The following ERBB4 variants were observed in gnomAD, a reference collection of about 807,000 sequenced individuals.
The protein encoded by ERBB4 is receptor tyrosine-protein kinase erbB-4.
ERBB4 carries 42 observed loss-of-function variants against 158.0 expected under a neutral mutation model. That is an observed-to-expected ratio of 0.27 (90% confidence interval 0.21 to 0.34). The LOEUF is 0.34. Ranked by LOEUF, ERBB4 falls within the 10% of genes least tolerant of loss-of-function variation. ERBB4 has a pLI of 1.00. For synonymous variants in ERBB4, 583 were observed against 558.7 expected (o/e 1.04, Z -0.61); for missense variants, 1,333 against 1,624.1 (o/e 0.82, Z 3.08).
At chr2:211,705,179 C>T in intron 10 of ERBB4, 139 bp downstream of exon 10, 3 of 690,572 alleles carry the variant, frequency 4.3e-6, no homozygotes, top group Non-Finnish European at 8.0e-6. Flanking sequence ...ATTTCCATCT[C>T]CTGACCTCAT....
chr2:211,594,203 G>A (rs1011006510), intron 19 of ERBB4, among the ~76,000 whole-genome samples: 6 of 152,150 alleles, frequency 3.9e-5, no homozygotes, highest in South Asian at 2.1e-4. Flanking sequence ...TTGGGAGACC[G>A]AGGAGGGCTG....
intron 13 of ERBB4, among the ~76,000 whole-genome samples, chr2:211,678,322 A>AAC (rs2072180856): frequency 1.9e-5 from 2 of 108,014 alleles, no homozygotes; most frequent in African/African-American, 6.8e-5. Context: ...AACAAACAAA[A>AAC]AAAAAAAAAC....
intron 5 of ERBB4, among the ~76,000 whole-genome samples, chr2:211,728,156 A>G (rs1466140702): frequency 6.6e-6 from 1 of 151,482 alleles, no homozygotes; most frequent in Admixed American, 6.6e-5. Context: ...CTCCTTATGA[A>G]CCTTCATCTT....
chr2:211,735,937 G>A (rs551269544), intron 5 of ERBB4, among the ~76,000 whole-genome samples: 1 of 151,844 alleles, frequency 6.6e-6, no homozygotes, highest in Non-Finnish European at 1.5e-5. Context: ...AGGATCTCTT[G>A]AGCCCAGGCA....
At chr2:211,989,743 A>T (rs944066985) in intron 2 of ERBB4, among the ~76,000 whole-genome samples, 1 of 152,004 alleles carries the variant, frequency 6.6e-6, no homozygotes, top group Non-Finnish European at 1.5e-5. Context: ...ATGAATAAAT[A>T]TGAGTTTTTA....
chr2:211,789,568 A>C (rs2076237537), intron 3 of ERBB4, among the ~76,000 whole-genome samples: 1 of 152,168 alleles, frequency 6.6e-6, no homozygotes, highest in Admixed American at 6.6e-5. Context: ...CCAGAACAAT[A>C]TCCCATGGTT....
intron 1 of ERBB4, among the ~76,000 whole-genome samples, chr2:212,302,041 T>C (rs2086643274): frequency 6.6e-6 from 1 of 151,446 alleles, no homozygotes; most frequent in Non-Finnish European, 1.5e-5. Context: ...ACTCTCATTA[T>C]AACCATTAGC....
intron 5 of ERBB4, among the ~76,000 whole-genome samples, chr2:211,734,909 CAA>C (rs570006497): frequency 0.22 from 15,183 of 67,780 alleles, 701 homozygotes; most frequent in Non-Finnish European, 0.26. Context: ...GAGACTCTGT[CAA>C]AAAAAAAAAA....
chr2:212,360,756 A>T (rs1279681111), intron 1 of ERBB4, among the ~76,000 whole-genome samples: 1 of 151,676 alleles, frequency 6.6e-6, no homozygotes, highest in Non-Finnish European at 1.5e-5. Context: ...TTACTAACTC[A>T]TGCTACTCTT....
chr2:211,897,111 C>T (rs1050920545), intron 3 of ERBB4, among the ~76,000 whole-genome samples: 9 of 150,418 alleles, frequency 6.0e-5, no homozygotes, highest in Non-Finnish European at 8.9e-5. Context: ...GTTTAAAGCT[C>T]TTATATTATG....
At chr2:212,202,118 T>C (rs1358193525) in intron 1 of ERBB4, among the ~76,000 whole-genome samples, 1 of 152,216 alleles carries the variant, frequency 6.6e-6, no homozygotes, top group Non-Finnish European at 1.5e-5. Context: ...TAAAATGTGA[T>C]AAATCCATTT....
intron 1 of ERBB4, among the ~76,000 whole-genome samples, chr2:212,514,893 G>A (rs184386126): frequency 3.0e-4 from 46 of 152,192 alleles, no homozygotes; most frequent in Admixed American, 1.3e-3. Context: ...CAACAACATG[G>A]AGTCGGTCAC....
intron 20 of ERBB4, among the ~76,000 whole-genome samples, chr2:211,515,575 T>C (rs1447223248): frequency 2.0e-5 from 3 of 151,938 alleles, no homozygotes; most frequent in Non-Finnish European, 4.4e-5. Flanking sequence ...TGAATATGCC[T>C]CGGGGATGTT....
At chr2:212,315,566 A>G (rs1241394790) in intron 1 of ERBB4, among the ~76,000 whole-genome samples, 2 of 151,484 alleles carry the variant, frequency 1.3e-5, no homozygotes, top group Non-Finnish European at 3.0e-5. Context: ...CAAGAACTCT[A>G]AAGAATTTGA....
intron 1 of ERBB4, among the ~76,000 whole-genome samples, chr2:212,452,761 C>T (rs1292252087): frequency 6.6e-6 from 1 of 151,974 alleles, no homozygotes. Context: ...TTCATTTGAC[C>T]AATTAATTCC....
chr2:211,473,323 G>C (rs2064876796), intron 20 of ERBB4, among the ~76,000 whole-genome samples: 3 of 152,040 alleles, frequency 2.0e-5, no homozygotes, highest in African/African-American at 7.2e-5. Flanking sequence ...GTAGGTCCCT[G>C]CCAACACTTT....
At chr2:212,453,638 T>G (rs187774708) in intron 1 of ERBB4, among the ~76,000 whole-genome samples, 8 of 152,324 alleles carry the variant, frequency 5.3e-5, no homozygotes, top group African/African-American at 1.4e-4. Context: ...GTATGCTTTT[T>G]AATGTTTCCA....
chr2:211,946,687 A>G (rs1032045629), intron 3 of ERBB4, among the ~76,000 whole-genome samples: 6 of 144,714 alleles, frequency 4.1e-5, no homozygotes, highest in African/African-American at 1.5e-4. Context: ...TTACAGGTAT[A>G]CATGAAGTAA....
intron 3 of ERBB4, among the ~76,000 whole-genome samples, chr2:211,803,055 T>C (rs1342578349): frequency 1.3e-5 from 2 of 152,210 alleles, no homozygotes; most frequent in Non-Finnish European, 2.9e-5. Context: ...CATCCTAAAG[T>C]GTAGAAGTTC....
Sources: allele counts gnomAD v4.1 joint callset (sites outside exome capture counted in the v4.1 genomes callset), GRCh38; gene constraint gnomAD v4.1.1; transcripts MANE v1.5; gene names NCBI Gene and HGNC (gene_info 2026-07-23, HGNC 2026-07-21).